The following MYH13 variants were observed in gnomAD, a reference collection of about 807,000 sequenced individuals.
MYH13 encodes the protein myosin heavy chain 13.
MYH13 carries 177 observed loss-of-function variants against 232.1 expected under a neutral mutation model. That is an observed-to-expected ratio of 0.76 (90% CI 0.67 to 0.86). The LOEUF (loss-of-function observed/expected upper bound fraction) is 0.86, where lower values mean the gene tolerates loss of function less well. Ranked by LOEUF, MYH13 falls within the 40% of genes least tolerant of loss-of-function variation. The pLI, the probability that MYH13 is intolerant of heterozygous loss-of-function variation, is 0.00. For synonymous variants in MYH13, 884 were observed against 923.5 expected (o/e 0.96, Z 0.78); for missense variants, 2,246 against 2,405.9 (o/e 0.93, Z 1.39).
At chr17:10,326,494 C>T (rs1040001263) in intron 22 of MYH13, among the ~76,000 whole-genome samples, 5 of 150,652 alleles carry the variant, frequency 3.3e-5, no homozygotes, top group South Asian at 2.1e-4. Context: ...TTTTTTGAGA[C>T]GGAGTCTTGC....
At chr17:10,361,667 C>T (rs551642412) in intron 5 of MYH13, among the ~76,000 whole-genome samples, 1 of 152,310 alleles carries the variant, frequency 6.6e-6, no homozygotes, top group Admixed American at 6.5e-5. Context: ...TATTAGGCAT[C>T]ATGGCATGAC....
At chr17:10,363,200 C>T (rs7226048) in intron 3 of MYH13, among the ~76,000 whole-genome samples, 30,929 of 150,484 alleles carry the variant, frequency 0.21, 3,500 homozygotes, top group East Asian at 0.47. Flanking sequence ...AGGGCAAGAA[C>T]AGCTACTAGG....
chr17:10,336,479 A>G (rs1386024606), intron 18 of MYH13, among the ~76,000 whole-genome samples: 1 of 152,160 alleles, frequency 6.6e-6, no homozygotes, highest in East Asian at 1.9e-4. Flanking sequence ...ATCCGGCATC[A>G]TGGGGCCTCC....
At chr17:10,313,465 A>C (rs1906592447) in intron 29 of MYH13, 111 bp from the exon 30 acceptor site, 3 of 1,521,564 alleles carry the variant, frequency 2.0e-6, no homozygotes, top group Non-Finnish European at 2.7e-6. Flanking sequence ...TGCTGTCTTC[A>C]CCAATTTTGC....
intron 5 of MYH13, 85 bp downstream of exon 5, chr17:10,362,033 C>T: frequency 1.2e-6 from 2 of 1,609,154 alleles, no homozygotes; most frequent in Non-Finnish European, 1.7e-6. Context: ...GATTATTGCA[C>T]CATTCAGATG....
In MYH13 at chr17:10,340,393, C is replaced by T. The variant is rs535572565; in HGVS notation, c.1903G>A (p.Gly635Arg). The T allele has an allele frequency of 2.9e-5, 47 of 1,613,088 alleles. No individual in the cohort carries two copies. The highest frequency in any genetic ancestry group is 1.1e-4 in the East Asian group (5 of 44,896). Reference sequence around the variant, plus strand: ...TTCTTCCCGCCCTTCTTGCTTCCTCCGGAGTCGCCTGGAGACAGACACAGA... The same window carrying T: ...TTCTTCCCGCCCTTCTTGCTTCCTCTGGAGTCGCCTGGAGACAGACACAGA... ...NYAGAETGDS[G>R]GSKKGGKKKG... The change falls in exon 17 of 41, where the codon GGA becomes AGA. Residue 635 changes from glycine (G) to arginine (R), a missense_variant. Physicochemically the swap from Gly to Arg is moderately radical, Grantham distance 125. Coordinates refer to ENST00000252172, the MANE Select transcript of MYH13 (RefSeq NM_003802.3).
intron 5 of MYH13, 106 bp downstream of exon 5, chr17:10,362,012 G>C (rs984217197): frequency 7.3e-5 from 117 of 1,597,464 alleles, no homozygotes; most frequent in Admixed American, 1.9e-4. Flanking sequence ...CTGACTCTCC[G>C]AAGATCCTTT....
chr17:10,348,459 C>T (rs555497758), intron 12 of MYH13, among the ~76,000 whole-genome samples: 13 of 152,328 alleles, frequency 8.5e-5, no homozygotes, highest in Non-Finnish European at 1.5e-4. Flanking sequence ...TCATGTTATA[C>T]GGTTGTCGTG....
chr17:10,302,791 G>T (rs184657415), intron 39 of MYH13, among the ~76,000 whole-genome samples: 66 of 152,214 alleles, frequency 4.3e-4, no homozygotes, highest in African/African-American at 1.6e-3. Flanking sequence ...GGTGGGCTGT[G>T]GTGGGATGGT....
chr17:10,319,410 G>A (rs771730037), intron 26 of MYH13, among the ~76,000 whole-genome samples: 1 of 151,828 alleles, frequency 6.6e-6, no homozygotes, highest in African/African-American at 2.4e-5. Context: ...TCGGGAGGCC[G>A]AGGCAGGAGA....
chr17:10,364,604 C>G, intron 2 of MYH13, 62 bp from the exon 3 acceptor site: 1 of 1,413,482 alleles, frequency 7.1e-7, no homozygotes, highest in South Asian at 1.2e-5. Flanking sequence ...CTGCAGGGCC[C>G]CTACCCTTAT....
At chr17:10,322,943 T>G (rs1907027133) in intron 23 of MYH13, among the ~76,000 whole-genome samples, 2 of 152,280 alleles carry the variant, frequency 1.3e-5, no homozygotes, top group South Asian at 2.1e-4. Flanking sequence ...CTATATTTCA[T>G]TTTCTTACAT....
chr17:10,345,853 T>C (rs1336514104), intron 13 of MYH13, among the ~76,000 whole-genome samples: 3 of 150,728 alleles, frequency 2.0e-5, no homozygotes, highest in African/African-American at 7.3e-5. Flanking sequence ...ATTAGCCAGG[T>C]GTGGTGGCAG....
At chr17:10,325,471 G>T (rs1171191644) in intron 22 of MYH13, among the ~76,000 whole-genome samples, 1 of 152,126 alleles carries the variant, frequency 6.6e-6, no homozygotes, top group Non-Finnish European at 1.5e-5. Flanking sequence ...GAGCCACCAG[G>T]CCTGGTCCTT....
chr17:10,330,653 T>C, intron 20 of MYH13, 130 bp from the exon 21 acceptor site: 1 of 1,291,460 alleles, frequency 7.7e-7, no homozygotes, highest in Middle Eastern at 2.8e-4. Flanking sequence ...CAATTCTGTT[T>C]CCAGGACTTG....
intron 22 of MYH13, among the ~76,000 whole-genome samples, chr17:10,327,646 G>A (rs1377038815): frequency 6.6e-6 from 1 of 152,124 alleles, no homozygotes; most frequent in Non-Finnish European, 1.5e-5. Context: ...ATCAGGGAGA[G>A]CACAAATTCT....
chr17:10,350,169 A>G (rs1433398453), intron 12 of MYH13, among the ~76,000 whole-genome samples: 1 of 152,162 alleles, frequency 6.6e-6, no homozygotes. Context: ...CTTGGCTCCC[A>G]CTTTACCAAA....
intron 12 of MYH13, among the ~76,000 whole-genome samples, chr17:10,350,270 T>TA (rs932495559): frequency 9.9e-5 from 15 of 151,836 alleles, no homozygotes; most frequent in Admixed American, 3.9e-4. Flanking sequence ...AAGTCCACCT[T>TA]AAAAAAAACA....
chr17:10,356,081 A>G (rs1025356239), intron 8 of MYH13, among the ~76,000 whole-genome samples: 4 of 152,042 alleles, frequency 2.6e-5, no homozygotes, highest in African/African-American at 7.2e-5. Flanking sequence ...TGCTTCATAC[A>G]TTATCTGCTT....
Sources: allele counts gnomAD v4.1 joint callset (sites outside exome capture counted in the v4.1 genomes callset), GRCh38; gene constraint gnomAD v4.1.1; transcripts MANE v1.5; gene names NCBI Gene and HGNC (gene_info 2026-07-23, HGNC 2026-07-21).